PAPSS2: variants seen among roughly 807,000 people sequenced by gnomAD.
PAPSS2 encodes 3'-phosphoadenosine 5'-phosphosulfate synthase 2.
In PAPSS2, 61 loss-of-function variants were observed where a neutral mutation model predicts 66.5. That is an observed-to-expected ratio of 0.92 (90% CI 0.75 to 1.14). PAPSS2 has a LOEUF of 1.14. PAPSS2 is among the 50% of genes most tolerant of loss of function. PAPSS2 has a pLI of 0.00. For synonymous variants in PAPSS2, 289 were observed against 287.5 expected, an observed-to-expected ratio of 1.01 and a Z score of -0.05; for missense variants, 708 against 789.6, an observed-to-expected ratio of 0.90 and a Z score of 1.24.
intron 1 of PAPSS2, among the ~76,000 whole-genome samples, chr10:87,670,889 C>T (rs1397965647): frequency 2.6e-5 from 4 of 152,230 alleles, no homozygotes; most frequent in Non-Finnish European, 4.4e-5. Flanking sequence ...AAGTCTCTTA[C>T]ACATCACACT....
intron 1 of PAPSS2, among the ~76,000 whole-genome samples, chr10:87,681,539 C>T (rs1165394333): frequency 6.6e-6 from 1 of 152,170 alleles, no homozygotes; most frequent in Non-Finnish European, 1.5e-5. Flanking sequence ...TTAGAAACAG[C>T]TTTATTGAGA....
intron 7 of PAPSS2, among the ~76,000 whole-genome samples, chr10:87,717,698 G>A (rs1455123696): frequency 6.6e-6 from 1 of 152,076 alleles, no homozygotes; most frequent in Non-Finnish European, 1.5e-5. Flanking sequence ...GGGTAGCTGG[G>A]ACTACAGGCA....
At chr10:87,688,737 G>A (rs999262703) in intron 1 of PAPSS2, among the ~76,000 whole-genome samples, 3 of 151,950 alleles carry the variant, frequency 2.0e-5, no homozygotes, top group Admixed American at 6.6e-5. Flanking sequence ...GATTACAGGC[G>A]TGAGCCACCA....
chr10:87,686,743 T>C (rs1243406206), intron 1 of PAPSS2, among the ~76,000 whole-genome samples: 1 of 152,214 alleles, frequency 6.6e-6, no homozygotes, highest in Non-Finnish European at 1.5e-5. Flanking sequence ...AACCAAGGCT[T>C]TTAAACCATC....
intron 3 of PAPSS2, 119 bp from the exon 4 acceptor site, chr10:87,713,925 G>T: frequency 9.6e-7 from 1 of 1,042,980 alleles, no homozygotes; most frequent in Admixed American, 1.8e-5. Context: ...CAAGCACTCT[G>T]CAAAGCACAA....
intron 1 of PAPSS2, among the ~76,000 whole-genome samples, chr10:87,673,382 A>G (rs1276434189): frequency 1.3e-4 from 19 of 151,732 alleles, no homozygotes; most frequent in Admixed American, 1.2e-3. Flanking sequence ...CTGGTCTTGT[A>G]CTCCTGGCCT....
intron 1 of PAPSS2, among the ~76,000 whole-genome samples, chr10:87,688,686 T>A (rs2131910901): frequency 6.6e-6 from 1 of 152,102 alleles, no homozygotes; most frequent in South Asian, 2.1e-4. Context: ...CTCGATCTCC[T>A]GACCTCATGA....
chr10:87,701,396 C>CT (rs1433823033), intron 1 of PAPSS2, among the ~76,000 whole-genome samples: 1 of 81,200 alleles, frequency 1.2e-5, no homozygotes, highest in African/African-American at 5.3e-5. Flanking sequence ...TTCTTTCTTT[C>CT]TCTTTCTTTC....
intron 1 of PAPSS2, among the ~76,000 whole-genome samples, chr10:87,662,035 C>T (rs1309899570): frequency 6.6e-6 from 1 of 152,128 alleles, no homozygotes; most frequent in Non-Finnish European, 1.5e-5. Context: ...AAAATCTGTC[C>T]GCTTGTGTGA....
At chr10:87,671,628 GC>G (rs1201169067) in intron 1 of PAPSS2, among the ~76,000 whole-genome samples, 1 of 152,198 alleles carries the variant, frequency 6.6e-6, no homozygotes, top group African/African-American at 2.4e-5. Context: ...AGTTCCCAAA[GC>G]CCCACAGGCT....
chr10:87,685,364 A>G (rs1162299976), intron 1 of PAPSS2, among the ~76,000 whole-genome samples: 1 of 152,130 alleles, frequency 6.6e-6, no homozygotes, highest in East Asian at 1.9e-4. Context: ...GTTTGTAGGA[A>G]AAGAACTGCC....
At chr10:87,700,399 G>A (rs1853288043) in intron 1 of PAPSS2, among the ~76,000 whole-genome samples, 1 of 152,170 alleles carries the variant, frequency 6.6e-6, no homozygotes, top group Non-Finnish European at 1.5e-5. Context: ...GTTCATGCCT[G>A]TAATCCCAGC....
At chr10:87,721,901 A>C in intron 8 of PAPSS2, 131 bp downstream of exon 8, 1 of 618,456 alleles carries the variant, frequency 1.6e-6, no homozygotes, top group Non-Finnish European at 2.8e-6. Context: ...TTCATGATCC[A>C]ACCAGCTATA....
At chr10:87,680,675 G>C (rs1051269714) in intron 1 of PAPSS2, among the ~76,000 whole-genome samples, 1 of 151,904 alleles carries the variant, frequency 6.6e-6, no homozygotes, top group Non-Finnish European at 1.5e-5. Context: ...TGGTATTTCA[G>C]GTAGTATTCT....
In PAPSS2 at chr10:87,659,894, G is replaced by GCTC. The variant is rs2131888694; in HGVS notation, c.-86_-85insCCT. On this transcript the variant is annotated 5_prime_UTR_variant, in exon 1 of 13. Transcript: ENST00000456849. The stretch of plus-strand genomic sequence containing the variant: ...GAGTCCGGCAGCCGCTGCTGCTGCT[G>GCTC]CTGCTGCTGCTGCCGCCGCCGCCGC... The GCTC allele has an allele frequency of 7.4e-7, 1 of 1,353,084 alleles. No homozygotes were observed. Among genetic ancestry groups the GCTC allele is most frequent in the Non-Finnish European group, 1.1e-6 (1 of 949,446 alleles). The allele number at this position is 1,353,084 out of a possible 1,614,324, so 83.8% of individuals were successfully genotyped here.
rs758477460 is a variant in PAPSS2, at chr10:87,727,321, C to T, written c.918C>T (p.Pro306=). 2.0e-5 allele frequency: 33 copies of T among 1,613,682 alleles called. No homozygotes were observed. The highest frequency in any genetic ancestry group is 1.6e-4 in the East Asian group (7 of 44,884). The change falls in exon 9 of 13, where the codon CCC becomes CCT. Residue 306 remains proline (P), a synonymous_variant. Transcript: ENST00000456849. ...ACATGAGCATCCCCATTGTACTGCC[C>T]GTCTCTGCAGAGGATAAGACACGGC... The part of the protein sequence containing the change: ...VINMSIPIVL[P]VSAEDKTRLE...
intron 2 of PAPSS2, among the ~76,000 whole-genome samples, chr10:87,711,886 T>G (rs1026443456): frequency 6.6e-6 from 1 of 152,156 alleles, no homozygotes; most frequent in Non-Finnish European, 1.5e-5. Context: ...GGACAGAGGC[T>G]TGGCACCATG....
At chr10:87,691,982 C>T (rs918173210) in intron 1 of PAPSS2, among the ~76,000 whole-genome samples, 1 of 152,140 alleles carries the variant, frequency 6.6e-6, no homozygotes, top group African/African-American at 2.4e-5. Flanking sequence ...ACTCTACTGG[C>T]AAAGAAGAGA....
At chr10:87,741,118 A>G (rs1224368015) in intron 9 of PAPSS2, 117 bp from the exon 10 acceptor site, 1 of 1,041,062 alleles carries the variant, frequency 9.6e-7, no homozygotes, top group Non-Finnish European at 1.5e-6. Flanking sequence ...CAGAAATACT[A>G]AAGAACTGAA....
Sources: allele counts gnomAD v4.1 joint callset (sites outside exome capture counted in the v4.1 genomes callset), GRCh38; gene constraint gnomAD v4.1.1; transcripts MANE v1.5; gene names NCBI Gene and HGNC (gene_info 2026-07-23, HGNC 2026-07-21).